The following PRPSAP1 variants were observed in gnomAD, a reference collection of about 807,000 sequenced individuals.
PRPSAP1 encodes the protein phosphoribosyl pyrophosphate synthetase associated protein 1.
PRPSAP1 carries 31 observed loss-of-function variants against 39.4 expected under a neutral mutation model. The ratio of observed to expected loss-of-function variants is 0.79; its 90% confidence interval spans 0.59 to 1.06. The LOEUF (loss-of-function observed/expected upper bound fraction) is 1.06. PRPSAP1 is among the 50% of genes least tolerant of loss of function. PRPSAP1 has a pLI of 0.00. For synonymous variants in PRPSAP1, 212 were observed against 192.6 expected (o/e 1.10, Z -0.83); for missense variants, 430 against 511.6 (o/e 0.84, Z 1.54).
intron 3 of PRPSAP1, among the ~76,000 whole-genome samples, chr17:76,335,829 A>G (rs898172574): frequency 6.6e-6 from 1 of 152,128 alleles, no homozygotes; most frequent in Non-Finnish European, 1.5e-5. Context: ...TCTAAAAATA[A>G]AATAAAATTT....
At chr17:76,315,282 T>C (rs1209066324) in intron 7 of PRPSAP1, among the ~76,000 whole-genome samples, 2 of 152,256 alleles carry the variant, frequency 1.3e-5, no homozygotes, top group Non-Finnish European at 2.9e-5. Context: ...ACAGGCTAAG[T>C]ATTCTTTCTT....
chr17:76,348,712 A>G, intron 1 of PRPSAP1, 131 bp from the exon 2 acceptor site: 1 of 685,930 alleles, frequency 1.5e-6, no homozygotes, highest in East Asian at 3.6e-5. Context: ...ATAATTCAGA[A>G]AATCTAATTC....
intron 7 of PRPSAP1, among the ~76,000 whole-genome samples, chr17:76,315,703 T>C (rs1437081525): frequency 1.1e-5 from 1 of 92,272 alleles, no homozygotes; most frequent in East Asian, 3.0e-4. Context: ...CTATCCGCTT[T>C]TTTTTTTTTT....
At chr17:76,345,236 TTA>T (rs2071484643) in intron 2 of PRPSAP1, among the ~76,000 whole-genome samples, 1 of 2,492 alleles carries the variant, frequency 4.0e-4, no homozygotes, top group Admixed American at 4.6e-3. Context: ...TTCCGTCTCA[TTA>T]AAAAAAAAAA....
rs550798821 is a variant in PRPSAP1, at chr17:76,322,734, C to G, written c.781+5983G>C. On this transcript the variant is annotated intron_variant, in intron 7 of 9. Coordinates refer to ENST00000446526, the MANE Select transcript of PRPSAP1 (RefSeq NM_002766.3). ...GGCACAGTGGCTCATACCTCTAATCCTAGCACTTCGGGAGGCCAAGATGGG... is the reference window on the plus strand; with the variant it reads ...GGCACAGTGGCTCATACCTCTAATCGTAGCACTTCGGGAGGCCAAGATGGG... Among the ~76,000 whole-genome samples, 37 of 152,160 alleles carry G rather than the reference C, an allele frequency of 2.4e-4. No homozygotes were observed. In the South Asian group the frequency reaches 2.9e-3, roughly 12 times the overall value.
At chr17:76,320,591 A>T (rs1598520354) in intron 7 of PRPSAP1, among the ~76,000 whole-genome samples, 1 of 139,162 alleles carries the variant, frequency 7.2e-6, no homozygotes. Context: ...CGTCCAGCTA[A>T]TTTTTTTTTT....
intron 7 of PRPSAP1, chr17:76,314,092 CATGTTACTTTGA>C: frequency 1.7e-6 from 1 of 578,086 alleles, no homozygotes; most frequent in Non-Finnish European, 3.1e-6. Context: ...GCATGCCATA[CATGTTACTTTGA>C]ATTTTCTAGT....
intron 3 of PRPSAP1, among the ~76,000 whole-genome samples, chr17:76,343,695 C>T (rs924335127): frequency 6.6e-6 from 1 of 152,010 alleles, no homozygotes; most frequent in Non-Finnish European, 1.5e-5. Flanking sequence ...ATTAACTGGG[C>T]ATGGTGGTGG....
At chr17:76,345,914 T>C in intron 2 of PRPSAP1, 1 of 422,776 alleles carries the variant, frequency 2.4e-6, no homozygotes, top group Non-Finnish European at 4.6e-6. Context: ...AGAAGATCTG[T>C]GAGGCTGTCT....
chr17:76,335,946 C>A (rs751949157), intron 3 of PRPSAP1, among the ~76,000 whole-genome samples: 7 of 152,004 alleles, frequency 4.6e-5, no homozygotes, highest in Non-Finnish European at 1.0e-4. Flanking sequence ...TGCACCACTG[C>A]ACTCCAACCT....
intron 7 of PRPSAP1, among the ~76,000 whole-genome samples, chr17:76,326,028 G>A (rs1418259692): frequency 6.6e-6 from 1 of 152,082 alleles, no homozygotes; most frequent in Non-Finnish European, 1.5e-5. Flanking sequence ...CATGTGCTGG[G>A]ACATCAAAAA....
intron 7 of PRPSAP1, among the ~76,000 whole-genome samples, chr17:76,327,498 C>T (rs2071267173): frequency 6.6e-6 from 1 of 151,980 alleles, no homozygotes; most frequent in African/African-American, 2.4e-5. Context: ...ACTAAAAATA[C>T]AAAAATTAGC....
At chr17:76,328,268 C>G (rs139025671) in intron 7 of PRPSAP1, among the ~76,000 whole-genome samples, 104 of 151,976 alleles carry the variant, frequency 6.8e-4, no homozygotes, top group Non-Finnish European at 8.4e-4. Flanking sequence ...TCTACATAGT[C>G]GATAACTCCT....
chr17:76,317,509 CGA>C (rs1285121754), intron 7 of PRPSAP1, among the ~76,000 whole-genome samples: 2 of 152,044 alleles, frequency 1.3e-5, no homozygotes, highest in Non-Finnish European at 2.9e-5. Context: ...GGTGACAGAA[CGA>C]GACTCCATCT....
chr17:76,314,069 A>C lies in PRPSAP1; in HGVS notation c.782-178T>G, dbSNP rs2071095829. The stretch of plus-strand genomic sequence containing the variant: ...CTCTCAGAAACAGCAGCATTGGCCA[A>C]AAGAAATAGAAGGCATGCCATACAT... On this transcript the variant is annotated intron_variant, in intron 7 of 9. Transcript: ENST00000446526. 4.8e-6 allele frequency: 3 copies of C among 624,408 alleles called. No homozygotes were observed. The Admixed American group carries it at 8.0e-5, about 17-fold the overall frequency. The allele number at this position is 624,408 out of a possible 1,614,324, so 38.7% of individuals were successfully genotyped here. A position where few individuals can be genotyped will look rare whatever the true frequency, so the allele number is the denominator to read the frequency against.
intron 1 of PRPSAP1, 25 bp from the exon 2 acceptor site, chr17:76,348,606 G>A: frequency 2.0e-6 from 3 of 1,512,934 alleles, no homozygotes; most frequent in Non-Finnish European, 2.6e-6. Context: ...GAACAAAAAA[G>A]GGAAATTAAG....
rs373651562 is a variant in PRPSAP1, at chr17:76,346,993, A to G, written c.223+1536T>C. Among the ~76,000 whole-genome samples the G allele has an allele frequency of 5.0e-4, 76 of 152,250 alleles. No homozygotes were observed. In the Middle Eastern group the frequency reaches 0.01, roughly 20 times the overall value. On this transcript the variant is annotated intron_variant, in intron 2 of 9. Transcript: ENST00000446526. ...CAAAGACTGACCCAGGAGAGATGAT[A>G]CAACAACAAGGCCAGCAAACCCTCC...
chr17:76,311,609 G>A lies in PRPSAP1; in HGVS notation c.1091C>T (p.Ala364Val), dbSNP rs200056583. The change falls in exon 10 of 10, where the codon GCC becomes GTC. Residue 364 changes from alanine (A) to valine (V), a missense_variant. Ala to Val is a moderately conservative substitution (Grantham distance 64). This residue lies in a region of PRPSAP1 where 278 missense variants were observed against 376.3 expected (regional missense o/e 0.74). Coordinates refer to ENST00000446526, the MANE Select transcript of PRPSAP1 (RefSeq NM_002766.3). Reference protein sequence around the residue: ...TVDISLILSEAIRRIHNGESM... With the variant: ...TVDISLILSEVIRRIHNGESM... The stretch of plus-strand genomic sequence containing the variant: ...CTCTCCATTGTGGATTCTCCGAATG[G>A]CTTCAGAAAGAATCAAACTGATATC... The A allele has an allele frequency of 1.1e-5, 18 of 1,614,156 alleles. No individual in the cohort carries two copies. The highest frequency in any genetic ancestry group is 1.5e-5 in the Non-Finnish European group (18 of 1,180,014).
chr17:76,354,029 G>C (rs894222633), upstream of PRPSAP1: 3 of 1,133,366 alleles, frequency 2.6e-6, no homozygotes, highest in Non-Finnish European at 2.2e-6. Context: ...GTTCTTCCGA[G>C]GGGCATGTCA....
Sources: gnomAD v4.1 joint callset for allele counts (sites outside exome capture counted in the v4.1 genomes callset) on GRCh38, gnomAD v4.1.1 for gene constraint, gnomAD v4.1.1 regional missense constraint, MANE v1.5 for transcripts, NCBI Gene and HGNC (gene_info 2026-07-23, HGNC 2026-07-21) for gene names.